Variants in CTC1 observed in about 807,000 individuals in gnomAD.
CTC1 encodes the protein CST complex subunit CTC1.
CTC1 carries 91 observed loss-of-function variants against 136.3 expected under a neutral mutation model. The observed-to-expected ratio is 0.67, with a 90% CI of 0.56 to 0.79. The LOEUF is 0.79. Among genes scored for constraint, CTC1 ranks in the 30% least tolerant of loss-of-function variants. CTC1 has a pLI of 0.00. For synonymous variants in CTC1, 606 were observed against 613.8 expected (o/e 0.99, Z 0.19); for missense variants, 1,432 against 1,498.1 (o/e 0.96, Z 0.73).
Position 8,232,952 on chromosome 17 carries a change from C to T in CTC1, c.1899G>A (p.Leu633=). 1 of 1,614,156 alleles carries T rather than the reference C, an allele frequency of 6.2e-7. No homozygotes were observed. Among genetic ancestry groups the T allele is most frequent in the Non-Finnish European group, 8.5e-7 (1 of 1,180,012 alleles). The part of the protein sequence containing the change: ...LRDQSGSLPC[L]LLAKHSQPLS... ...GGGGTTGAGAGTGCTTGGCCAGGAG[C>T]AGGCAGGGCAGGGAACCACTTTGGT... The change falls in exon 11 of 23, where the codon CTG becomes CTA. Residue 633 remains leucine (L), a synonymous_variant. Coordinates refer to ENST00000651323, the MANE Select transcript of CTC1 (RefSeq NM_025099.6).
At position 8,238,183 on chromosome 17, in the gene CTC1, G is replaced by A; in HGVS notation, c.495C>T (p.Tyr165=). The A allele has an allele frequency of 6.2e-7, 1 of 1,613,756 alleles. No homozygotes were observed. The highest frequency in any genetic ancestry group is 8.5e-7 in the Non-Finnish European group (1 of 1,179,684). The stretch of plus-strand genomic sequence containing the variant: ...AGGAATTCCACCTGGCAGGAGGGAG[G>A]TAACTCCAACGGGGGAACAGAAAAA... The part of the protein sequence containing the change: ...GHLFLFPRWS[Y]LPPARWNSSG... Residue 165 remains tyrosine (Y), a synonymous_variant, in exon 4 of 23, where the codon TAC becomes TAT. Transcript: ENST00000651323.
chr17:8,235,557 C>T (rs893591476), intron 7 of CTC1, among the ~76,000 whole-genome samples: 1 of 152,156 alleles, frequency 6.6e-6, no homozygotes, highest in African/African-American at 2.4e-5. Context: ...TGAGATCACC[C>T]CAGCCCCAGA....
At position 8,231,885 on chromosome 17, in the gene CTC1, C is replaced by T. The variant is rs1449666905; in HGVS notation, c.2385+18G>A. The stretch of plus-strand genomic sequence containing the variant: ...CAGGGCGCAGGTCAGGTCCTGGGTC[C>T]CTGGAGTCCCAGTTTACCTTCTGAT... On this transcript the variant is annotated intron_variant, in intron 13 of 22. Transcript: ENST00000651323. 4 of 1,613,542 alleles carry T rather than the reference C, an allele frequency of 2.5e-6. No individual in the cohort carries two copies. The Admixed American group carries it at 6.7e-5, about 27-fold the overall frequency.
At chr17:8,242,936 A>G in intron 2 of CTC1, 49 bp downstream of exon 2, 26 of 1,532,662 alleles carry the variant, frequency 1.7e-5, no homozygotes, top group Non-Finnish European at 2.3e-5. Context: ...TCAATCCTGA[A>G]TTCAATACCT....
chr17:8,232,528 T>G (rs1255306462), intron 11 of CTC1, 53 bp from the exon 12 acceptor site: 1 of 1,489,390 alleles, frequency 6.7e-7, no homozygotes, highest in South Asian at 1.2e-5. Flanking sequence ...GTGGGGTGGG[T>G]TGCAAGGCAA....
chr17:8,228,458 A>C (rs1281904699), intron 22 of CTC1, 45 bp downstream of exon 22: 3 of 1,613,614 alleles, frequency 1.9e-6, no homozygotes, highest in Non-Finnish European at 2.5e-6. Flanking sequence ...TATCTCTATC[A>C]CCATGATCCC....
At chr17:8,240,158 T>C (rs552487822) in intron 2 of CTC1, among the ~76,000 whole-genome samples, 33 of 147,608 alleles carry the variant, frequency 2.2e-4, no homozygotes, top group South Asian at 1.3e-3. Context: ...AACTGTCTCT[T>C]TTTTTTTTTT....
chr17:8,243,834 G>A (rs867845313), intron 1 of CTC1, among the ~76,000 whole-genome samples: 1 of 152,224 alleles, frequency 6.6e-6, no homozygotes, highest in Non-Finnish European at 1.5e-5. Context: ...CACTTTGGGA[G>A]GCCAAAGAGG....
Position 8,232,067 on chromosome 17 carries a change from G to A in CTC1, c.2221C>T (p.Leu741Phe), listed in dbSNP as rs1987284002. 6.4e-7 allele frequency: 1 copy of A among 1,563,280 alleles called. No homozygotes were observed. The highest frequency in any genetic ancestry group is 8.6e-7 in the Non-Finnish European group (1 of 1,159,972). Residue 741 changes from leucine to phenylalanine, a missense_variant, in exon 13 of 23, where the codon CTC (leucine) becomes TTC (phenylalanine). Leu to Phe is a conservative substitution (Grantham distance 22). Transcript: ENST00000651323. The part of the protein sequence containing the change: ...RLFLLCHKEA[L>F]MKRNFCVPPG... ...GGGACACAAAAATTACGCTTCATGAGGGCCTCCTTGTGGCAGAGCAAGAAG... is the reference window on the plus strand; with the variant it reads ...GGGACACAAAAATTACGCTTCATGAAGGCCTCCTTGTGGCAGAGCAAGAAG...
rs759703588 is a variant in CTC1 at position 8,235,169 on chromosome 17, A to T, written c.1323T>A (p.Ala441=). The T allele has an allele frequency of 6.2e-7, 1 of 1,614,158 alleles. No homozygotes were observed. Among genetic ancestry groups the T allele is most frequent in the Non-Finnish European group, 8.5e-7 (1 of 1,180,022 alleles). The change falls in exon 8 of 23, where the codon GCT becomes GCA. Residue 441 remains alanine (A), a synonymous_variant. Transcript: ENST00000651323. ...CCCCGTAGGCTTGACGGGATGAGTG[A>T]GCCCCAGGCTTCTGACGAGAGAAGC... is the stretch of plus-strand genomic sequence containing the variant. The part of the protein sequence containing the change: ...LQSFSRQKPG[A]HSSRQAYGAS...
intron 2 of CTC1, among the ~76,000 whole-genome samples, chr17:8,242,553 A>ATAT (rs1555536344): frequency 5.0e-5 from 3 of 60,394 alleles, no homozygotes; most frequent in Non-Finnish European, 9.8e-5. Flanking sequence ...AAAAAAAAAA[A>ATAT]ATATATATAT....
At position 8,225,657 on chromosome 17, in the gene CTC1, T is replaced by C. The variant is rs1986571658; in HGVS notation, c.*2523A>G. 6.6e-6 allele frequency: 1 copy of C among 152,194 alleles called. No individual in the cohort carries two copies. The highest frequency in any genetic ancestry group is 2.4e-5 in the African/African-American group (1 of 41,408). 9.4% of individuals were successfully genotyped at this position (152,194 alleles called of 1,614,324 possible). A position where few individuals can be genotyped will look rare whatever the true frequency, so the allele number is the denominator to read the frequency against. The stretch of plus-strand genomic sequence containing the variant: ...CTTCTGCACCCTGCTGCACGAAACC[T>C]GGTGCCAGGCCAGGCCAGGCCAGCC... On this transcript the variant is annotated 3_prime_UTR_variant, in exon 23 of 23. Coordinates refer to ENST00000651323, the MANE Select transcript of CTC1 (RefSeq NM_025099.6).
rs936328576 is a variant in CTC1, at chr17:8,225,801, ATATT to A, written c.*2375_*2378del. 5.3e-5 allele frequency: 8 copies of A among 151,002 alleles called. No individual in the cohort carries two copies. The highest frequency in any genetic ancestry group is 1.7e-4 in the African/African-American group (7 of 41,238). 9.4% of individuals were successfully genotyped at this position (151,002 alleles called of 1,614,324 possible). On this transcript the variant is annotated 3_prime_UTR_variant, in exon 23 of 23. Transcript: ENST00000651323. ...AGCTGTGCCAAATTTTAAATACTGTATATTTAAATATATATTTTTATATTATATA... is the reference window on the plus strand; with the variant it reads ...AGCTGTGCCAAATTTTAAATACTGTATAAATATATATTTTTATATTATATA...
At chr17:8,242,193 C>T (rs1050478834) in intron 2 of CTC1, among the ~76,000 whole-genome samples, 5 of 151,804 alleles carry the variant, frequency 3.3e-5, no homozygotes, top group Admixed American at 6.6e-5. Context: ...CCACGCCCGG[C>T]TAATTTTTGT....
chr17:8,241,997 A>G (rs187847459), intron 2 of CTC1, among the ~76,000 whole-genome samples: 210 of 152,058 alleles, frequency 1.4e-3, no homozygotes, highest in Middle Eastern at 6.8e-3. Context: ...TATTTATTGG[A>G]ATAATATATC....
intron 5 of CTC1, 56 bp downstream of exon 5, chr17:8,237,319 C>G (rs1987813781): frequency 6.2e-7 from 1 of 1,603,706 alleles, no homozygotes; most frequent in African/African-American, 1.3e-5. Flanking sequence ...ATCTTTCCTA[C>G]TGAAAGTTCT....
At chr17:8,230,234 G>A in intron 17 of CTC1, 60 bp downstream of exon 17, 14 of 1,516,166 alleles carry the variant, frequency 9.2e-6, no homozygotes, top group Non-Finnish European at 1.3e-5. Context: ...AAGCAGGGGT[G>A]CACATTCCAG....
chr17:8,236,477 T>C (rs1214408019), intron 5 of CTC1, 135 bp from the exon 6 acceptor site: 6 of 872,236 alleles, frequency 6.9e-6, no homozygotes, highest in African/African-American at 5.1e-5. Context: ...ATCTTCCCTA[T>C]GTCTGCCAAC....
intron 2 of CTC1, among the ~76,000 whole-genome samples, chr17:8,239,762 C>T (rs1047119736): frequency 1.3e-5 from 2 of 152,024 alleles, no homozygotes; most frequent in African/African-American, 4.8e-5. Flanking sequence ...GATCGAGTTA[C>T]AAAACATCAC....
Sources: gnomAD v4.1 joint callset for allele counts (sites outside exome capture counted in the v4.1 genomes callset) on GRCh38, gnomAD v4.1.1 for gene constraint, MANE v1.5 for transcripts, NCBI Gene and HGNC (gene_info 2026-07-23, HGNC 2026-07-21) for gene names.